The following DOCK3 variants were observed in gnomAD, a reference collection of about 807,000 sequenced individuals.
The protein encoded by DOCK3 is dedicator of cytokinesis 3, also known as dedicator of cytokinesis protein 3.
In DOCK3, 60 loss-of-function variants were observed where a neutral mutation model predicts 265.6. The ratio of observed to expected loss-of-function variants is 0.23; its 90% CI spans 0.18 to 0.28. The LOEUF is 0.28. Among genes scored for constraint, DOCK3 ranks in the 10% least tolerant of loss-of-function variants. The probability of loss-of-function intolerance (pLI) is 1.00; values close to 1 mark genes in which losing one functional copy is unlikely to be tolerated. For synonymous variants in DOCK3, 881 were observed against 938.0 expected, an observed-to-expected ratio of 0.94 and a Z score of 1.11; for missense variants, 1,981 against 2,594.3, an observed-to-expected ratio of 0.76 and a Z score of 5.14.
chr3:51,006,516 C>T (rs1320127704), intron 5 of DOCK3, among the ~76,000 whole-genome samples: 1 of 152,150 alleles, frequency 6.6e-6, no homozygotes, highest in East Asian at 1.9e-4. Flanking sequence ...CCAAAGGCTT[C>T]TACCTTTCCT....
intron 9 of DOCK3, among the ~76,000 whole-genome samples, chr3:51,143,259 GTT>G (rs150547534): frequency 0.9 from 133,332 of 147,704 alleles, 60,240 homozygotes; most frequent in East Asian, 0.94. Flanking sequence ...TTTGTTTTCT[GTT>G]TTTTTTTTTT....
intron 12 of DOCK3, among the ~76,000 whole-genome samples, chr3:51,194,588 T>C (rs1475417780): frequency 1.3e-5 from 2 of 152,192 alleles, no homozygotes; most frequent in Admixed American, 6.5e-5. Flanking sequence ...GGTGTTCCAA[T>C]GTTGGTTACA....
chr3:51,250,731 A>G (rs941386202), intron 22 of DOCK3, among the ~76,000 whole-genome samples: 1 of 152,226 alleles, frequency 6.6e-6, no homozygotes, highest in Non-Finnish European at 1.5e-5. Flanking sequence ...GATTTGGGAA[A>G]GCTTCTCTGA....
Position 50,920,437 on chromosome 3 carries a change from G to T in DOCK3, c.219-13544G>T, listed in dbSNP as rs559603046. Among the ~76,000 whole-genome samples, 31 of 152,252 alleles carry T rather than the reference G, an allele frequency of 2.0e-4. 1 individual carries two copies. The South Asian group carries it at 2.1e-3, about 10-fold the overall frequency. ...GCCTCAATTTCAGAGCCTATTATTG[G>T]TCTATTCAGGGATTCACCTTCTTCC... On this transcript the variant is annotated intron_variant, in intron 4 of 52. Coordinates refer to ENST00000266037, the MANE Select transcript of DOCK3 (RefSeq NM_004947.5).
rs2084384575 is a variant in DOCK3, at chr3:51,128,852, G to T, written c.747-17697G>T. On this transcript the variant is annotated intron_variant, in intron 9 of 52. Coordinates refer to ENST00000266037, the MANE Select transcript of DOCK3 (RefSeq NM_004947.5). Reference sequence around the variant, plus strand: ...CGTAACCTCCATCCCTGCCACCATGGCCACCTCGTTCATGGGTCCATTGTG... The same window carrying T: ...CGTAACCTCCATCCCTGCCACCATGTCCACCTCGTTCATGGGTCCATTGTG... Among the ~76,000 whole-genome samples the T allele has an allele frequency of 2.6e-5, 4 of 152,130 alleles. No homozygotes were observed. The South Asian group carries it at 8.3e-4, about 32-fold the overall frequency.
intron 5 of DOCK3, among the ~76,000 whole-genome samples, chr3:50,957,422 A>G (rs915201346): frequency 6.6e-6 from 1 of 152,198 alleles, no homozygotes; most frequent in African/African-American, 2.4e-5. Context: ...ATCTAGCACT[A>G]CCTAGTTGCT....
At chr3:50,966,479 T>C (rs1324204999) in intron 5 of DOCK3, among the ~76,000 whole-genome samples, 14 of 125,256 alleles carry the variant, frequency 1.1e-4, no homozygotes, top group African/African-American at 3.7e-4. Context: ...ACTGGTTATC[T>C]CTTGTTTTTT....
chr3:50,958,577 A>G (rs2076793561), intron 5 of DOCK3, among the ~76,000 whole-genome samples: 1 of 152,220 alleles, frequency 6.6e-6, no homozygotes, highest in Non-Finnish European at 1.5e-5. Flanking sequence ...TATGCAGTTA[A>G]TGGTGGGCAG....
At chr3:51,311,875 A>T in intron 28 of DOCK3, 129 bp from the exon 29 acceptor site, 1 of 605,660 alleles carries the variant, frequency 1.7e-6, no homozygotes, top group Non-Finnish European at 2.8e-6. Context: ...TTTCCTTTAT[A>T]GTCACATCTT....
At chr3:51,035,551 T>C (rs2080233391) in intron 5 of DOCK3, among the ~76,000 whole-genome samples, 1 of 152,212 alleles carries the variant, frequency 6.6e-6, no homozygotes, top group Non-Finnish European at 1.5e-5. Context: ...TCCAACATCT[T>C]ATCATCTCAG....
At chr3:51,260,458 G>C in intron 23 of DOCK3, 132 bp downstream of exon 23, 3 of 1,095,466 alleles carry the variant, frequency 2.7e-6, no homozygotes, top group Non-Finnish European at 3.7e-6. Context: ...TATTTACAAG[G>C]AAATACCTGA....
rs2081340891 is a variant in DOCK3 at position 51,059,666 on chromosome 3, G to T, written c.316-4782G>T. Among the ~76,000 whole-genome samples, 4 of 152,056 alleles carry T rather than the reference G, an allele frequency of 2.6e-5. No homozygotes were observed. The South Asian group carries it at 8.3e-4, about 32-fold the overall frequency. On this transcript the variant is annotated intron_variant, in intron 5 of 52. Transcript: ENST00000266037. The stretch of plus-strand genomic sequence containing the variant: ...CCCACTCTATTCACTCCCAGCTGAT[G>T]ATATTGCTTTTTATTTCTCTGAGAA...
intron 5 of DOCK3, among the ~76,000 whole-genome samples, chr3:50,946,329 C>T (rs755871700): frequency 1.3e-5 from 2 of 151,924 alleles, no homozygotes; most frequent in African/African-American, 4.8e-5. Context: ...AGATAATGCC[C>T]GTTTTTTGCT....
Position 51,368,615 on chromosome 3 carries a change from T to G in DOCK3, c.5294-5854T>G, listed in dbSNP as rs529094220. On this transcript the variant is annotated intron_variant, in intron 49 of 52. Coordinates refer to ENST00000266037, the MANE Select transcript of DOCK3 (RefSeq NM_004947.5). ...AGGAGGGCTGCCTGCCTCTGTAGCC[T>G]CCACCTCTGGGGGCAGGGCATAGCT... 2.3e-3 allele frequency among the ~76,000 whole-genome samples: 354 copies of G among 152,322 alleles called. 3 individuals carry two copies. The highest frequency in any genetic ancestry group is 7.8e-3 in the African/African-American group (325 of 41,576).
chr3:50,876,769 G>T, intron 3 of DOCK3: 1 of 153,190 alleles, frequency 6.5e-6, no homozygotes, highest in South Asian at 1.9e-4. Context: ...CTGGTGTTTT[G>T]ACATATTTGC....
At chr3:50,702,405 C>A (rs957411220) in intron 1 of DOCK3, among the ~76,000 whole-genome samples, 1 of 152,014 alleles carries the variant, frequency 6.6e-6, no homozygotes, top group African/African-American at 2.4e-5. Flanking sequence ...GCTCTGTCAC[C>A]CAGGCTGGAG....
chr3:50,866,689 C>A (rs1044198683), intron 3 of DOCK3, among the ~76,000 whole-genome samples: 57 of 152,094 alleles, frequency 3.7e-4, no homozygotes, highest in Non-Finnish European at 1.0e-4. Context: ...AAGAGAATGT[C>A]TTTTCCTCAG....
chr3:50,813,500 T>C lies in DOCK3; in HGVS notation c.122-28175T>C, dbSNP rs11924575. 4.7e-3 allele frequency among the ~76,000 whole-genome samples: 709 copies of C among 152,204 alleles called. 4 individuals are homozygous for C. The highest frequency in any genetic ancestry group is 0.014 in the African/African-American group (594 of 41,522). ...GCTGTGATCATCACTGCCTCCAGCC[T>C]GGGTGACAGAGTGAGACCTTGTCTT... On this transcript the variant is annotated intron_variant, in intron 2 of 52. Transcript: ENST00000266037.
At chr3:50,807,051 T>TG (rs1313329718) in intron 2 of DOCK3, among the ~76,000 whole-genome samples, 1 of 152,152 alleles carries the variant, frequency 6.6e-6, no homozygotes, top group Non-Finnish European at 1.5e-5. Flanking sequence ...GAGACGGTGC[T>TG]GCAGAGGTCA....
Sources: gnomAD v4.1 joint callset for allele counts (sites outside exome capture counted in the v4.1 genomes callset) on GRCh38, gnomAD v4.1.1 for gene constraint, MANE v1.5 for transcripts, NCBI Gene and HGNC (gene_info 2026-07-23, HGNC 2026-07-21) for gene names.